CAP2: variants seen among roughly 807,000 people sequenced by gnomAD.
CAP2 encodes cyclase associated actin cytoskeleton regulatory protein 2.
A neutral mutation model predicts 57.7 loss-of-function variants in CAP2; 24 were observed. The ratio of observed to expected loss-of-function variants is 0.42; its 90% confidence interval spans 0.30 to 0.58. The LOEUF (loss-of-function observed/expected upper bound fraction) is 0.58, where lower values mean the gene tolerates loss of function less well. Among genes scored for constraint, CAP2 ranks in the 20% least tolerant of loss-of-function variants. The pLI is 0.22. For missense variants in CAP2, 501 were observed against 590.3 expected (o/e 0.85, Z 1.57); for synonymous variants, 194 against 207.2 (o/e 0.94, Z 0.55).
At chr6:17,529,651 A>AAAAATAT (rs10656588) in intron 7 of CAP2, among the ~76,000 whole-genome samples, 44 of 134,512 alleles carry the variant, frequency 3.3e-4, no homozygotes, top group Middle Eastern at 3.7e-3. Context: ...AAAAAAAAAA[A>AAAAATAT]ATATATATAT....
chr6:17,501,484 G>T (rs1222313888), intron 4 of CAP2, among the ~76,000 whole-genome samples: 1 of 152,148 alleles, frequency 6.6e-6, no homozygotes, highest in Non-Finnish European at 1.5e-5. Context: ...TCGTTAAAAA[G>T]AAGTAACAAT....
chr6:17,429,248 A>G (rs1327318599), intron 3 of CAP2, among the ~76,000 whole-genome samples: 1 of 152,210 alleles, frequency 6.6e-6, no homozygotes, highest in African/African-American at 2.4e-5. Context: ...ATACACTGAA[A>G]AAGATGCTTG....
intron 1 of CAP2, among the ~76,000 whole-genome samples, chr6:17,409,455 T>C (rs1042600956): frequency 1.1e-4 from 17 of 152,028 alleles, no homozygotes; most frequent in Admixed American, 1.1e-3. Flanking sequence ...ACCATGATAA[T>C]TCAGGGATTG....
At chr6:17,471,963 G>GTGAC (rs1761031488) in intron 4 of CAP2, among the ~76,000 whole-genome samples, 1 of 152,182 alleles carries the variant, frequency 6.6e-6, no homozygotes, top group Non-Finnish European at 1.5e-5. Context: ...ATCTAAACCA[G>GTGAC]TGACTCACTT....
intron 4 of CAP2, among the ~76,000 whole-genome samples, chr6:17,488,410 C>T (rs918547687): frequency 6.6e-6 from 1 of 152,214 alleles, no homozygotes. Flanking sequence ...CTCACAAGCC[C>T]TCGATGGCTT....
intron 3 of CAP2, among the ~76,000 whole-genome samples, chr6:17,451,587 G>A (rs925816645): frequency 4.0e-5 from 6 of 151,858 alleles, no homozygotes; most frequent in Non-Finnish European, 7.4e-5. Context: ...TCTGGTCACT[G>A]CAACTTCCGC....
chr6:17,525,874 C>T (rs1022389135), intron 7 of CAP2, among the ~76,000 whole-genome samples: 1 of 152,160 alleles, frequency 6.6e-6, no homozygotes, highest in African/African-American at 2.4e-5. Context: ...CGTCTGGGAA[C>T]ACAGAAGTAT....
intron 4 of CAP2, among the ~76,000 whole-genome samples, chr6:17,506,793 A>C (rs6930406): frequency 0.7 from 106,358 of 152,056 alleles, 37,387 homozygotes; most frequent in East Asian, 0.74. Context: ...TCTTACCCAA[A>C]TTTATACCAG....
At chr6:17,496,035 G>T (rs1019090004) in intron 4 of CAP2, among the ~76,000 whole-genome samples, 4 of 130,658 alleles carry the variant, frequency 3.1e-5, no homozygotes, top group Admixed American at 2.3e-4. Context: ...GGTGGGGGGG[G>T]GGGGTAAGTC....
chr6:17,521,880 G>A lies in CAP2; in HGVS notation c.636+7926G>A, dbSNP rs564069324. 1.2e-4 allele frequency among the ~76,000 whole-genome samples: 19 copies of A among 152,158 alleles called. No homozygotes were observed. The East Asian group carries it at 1.9e-3, about 16-fold the overall frequency. ...TCCCAGCACTTTGGGAGGCTGAGGC[G>A]GGTAGATCACCTAAGGTCAGGAGTT... On this transcript the variant is annotated intron_variant, in intron 7 of 12. Transcript: ENST00000229922.
chr6:17,512,422 A>G (rs1366157974), intron 6 of CAP2, among the ~76,000 whole-genome samples: 1 of 152,094 alleles, frequency 6.6e-6, no homozygotes, highest in Non-Finnish European at 1.5e-5. Flanking sequence ...AAGAAAGTAT[A>G]TTGAATGTCA....
At chr6:17,419,406 T>G (rs188541746) in intron 1 of CAP2, among the ~76,000 whole-genome samples, 23 of 152,280 alleles carry the variant, frequency 1.5e-4, no homozygotes, top group African/African-American at 4.6e-4. Flanking sequence ...CAGGCACTGA[T>G]TAAGAGGAGG....
chr6:17,506,558 T>C (rs1761989764), intron 4 of CAP2, among the ~76,000 whole-genome samples: 1 of 151,812 alleles, frequency 6.6e-6, no homozygotes, highest in Admixed American at 6.6e-5. Context: ...GAGAATTGCT[T>C]GAACCTGGGA....
At chr6:17,474,914 C>G (rs573317316) in intron 4 of CAP2, among the ~76,000 whole-genome samples, 1 of 151,840 alleles carries the variant, frequency 6.6e-6, no homozygotes, top group Non-Finnish European at 1.5e-5. Flanking sequence ...AAGCTAGGTT[C>G]GGCCAGGCAC....
intron 4 of CAP2, among the ~76,000 whole-genome samples, chr6:17,503,234 C>T (rs1761875085): frequency 6.6e-6 from 1 of 152,118 alleles, no homozygotes; most frequent in Non-Finnish European, 1.5e-5. Flanking sequence ...GCTGGAAGTC[C>T]AGGATCAAGG....
rs575161532 is a variant in CAP2, at chr6:17,416,895, C to A, written c.-1-4660C>A. Among the ~76,000 whole-genome samples the A allele has an allele frequency of 1.1e-4, 16 of 152,156 alleles. No homozygotes were observed. In the South Asian group the frequency reaches 3.1e-3, roughly 30 times the overall value. On this transcript the variant is annotated intron_variant, in intron 1 of 12. Transcript: ENST00000229922. ...ATTGCTTGAGCCCAAGAGTTCAAGA[C>A]CAGCTTGGACAACATACAGAGACAC...
intron 1 of CAP2, among the ~76,000 whole-genome samples, chr6:17,408,632 G>A (rs1457655122): frequency 1.3e-5 from 2 of 149,178 alleles, no homozygotes; most frequent in African/African-American, 4.9e-5. Flanking sequence ...GTCATGAGAA[G>A]TAACTGACTA....
chr6:17,551,749 C>G (rs998135113), intron 12 of CAP2, 145 bp downstream of exon 12: 1 of 621,554 alleles, frequency 1.6e-6, no homozygotes, highest in Non-Finnish European at 2.8e-6. Flanking sequence ...GAGCTGTCTT[C>G]CACATCTCTT....
chr6:17,425,870 C>G lies in CAP2; in HGVS notation c.122-720C>G, dbSNP rs115165202. On this transcript the variant is annotated intron_variant, in intron 2 of 12. Coordinates refer to ENST00000229922, the MANE Select transcript of CAP2 (RefSeq NM_006366.3). ...AGTACCTTGGGAGGCCAAGGTGGGCCGATCACTTGAGCCCAGGAGTTGGAA... is the reference window on the plus strand; with the variant it reads ...AGTACCTTGGGAGGCCAAGGTGGGCGGATCACTTGAGCCCAGGAGTTGGAA... 4.8e-3 allele frequency among the ~76,000 whole-genome samples: 730 copies of G among 152,090 alleles called. 7 individuals carry two copies. Among genetic ancestry groups the G allele is most frequent in the African/African-American group, 0.016 (683 of 41,482 alleles).
Sources: allele counts gnomAD v4.1 joint callset (sites outside exome capture counted in the v4.1 genomes callset), GRCh38; gene constraint gnomAD v4.1.1; transcripts MANE v1.5; gene names NCBI Gene and HGNC (gene_info 2026-07-23, HGNC 2026-07-21).